Variants in TEX2 observed in about 807,000 individuals in gnomAD.
The protein encoded by TEX2 is testis expressed 2, also known as testis-expressed protein 2.
Under a neutral mutation model 106.9 loss-of-function variants are expected in TEX2, and 53 were observed. That is an observed-to-expected ratio of 0.50 (90% CI 0.40 to 0.62). TEX2 has a LOEUF of 0.62. Ranked by LOEUF, TEX2 falls within the 20% of genes least tolerant of loss-of-function variation. The pLI is 0.00. For synonymous variants in TEX2, 523 were observed against 534.8 expected, an observed-to-expected ratio of 0.98 and a Z score of 0.30; for missense variants, 1,207 against 1,379.0, an observed-to-expected ratio of 0.88 and a Z score of 1.98.
chr17:64,197,810 C>T (rs2032524364), intron 2 of TEX2, among the ~76,000 whole-genome samples: 1 of 152,136 alleles, frequency 6.6e-6, no homozygotes, highest in Non-Finnish European at 1.5e-5. Context: ...GCAGTTCTCC[C>T]ACCTTGGCCT....
At chr17:64,210,362 T>A (rs1283717361) in intron 2 of TEX2, among the ~76,000 whole-genome samples, 1 of 152,190 alleles carries the variant, frequency 6.6e-6, no homozygotes, top group African/African-American at 2.4e-5. Flanking sequence ...TATGATCCTA[T>A]TAAATCAAAA....
intron 2 of TEX2, among the ~76,000 whole-genome samples, chr17:64,211,964 T>C (rs187391921): frequency 3.3e-5 from 5 of 152,316 alleles, no homozygotes; most frequent in Non-Finnish European, 4.4e-5. Flanking sequence ...CTAGGCAACA[T>C]AGTGAGACTC....
At chr17:64,154,438 C>G (rs1464461604) in intron 9 of TEX2, among the ~76,000 whole-genome samples, 1 of 152,196 alleles carries the variant, frequency 6.6e-6, no homozygotes, top group South Asian at 2.1e-4. Context: ...CAAAGAAAAT[C>G]ATCTGAATGT....
intron 1 of TEX2, among the ~76,000 whole-genome samples, 189 bp downstream of exon 1, chr17:64,262,979 G>A (rs1253247132): frequency 1.3e-5 from 2 of 152,104 alleles, no homozygotes; most frequent in Non-Finnish European, 2.9e-5. Context: ...TTGCCCGGGG[G>A]TGTCGCGGGT....
At chr17:64,203,434 ACT>A (rs782557266) in intron 2 of TEX2, among the ~76,000 whole-genome samples, 1 of 152,020 alleles carries the variant, frequency 6.6e-6, no homozygotes, top group Non-Finnish European at 1.5e-5. Context: ...AAAGGTAATT[ACT>A]CTCTGTCTCC....
rs113350767 is a variant in TEX2, at chr17:64,211,401, T to C, written c.1644+1173A>G. Among the ~76,000 whole-genome samples, 580 of 152,266 alleles carry C rather than the reference T, an allele frequency of 3.8e-3. 4 individuals carry two copies. Among genetic ancestry groups the C allele is most frequent in the African/African-American group, 0.014 (563 of 41,546 alleles). On this transcript the variant is annotated intron_variant, in intron 2 of 11. Coordinates refer to ENST00000584379, the MANE Select transcript of TEX2 (RefSeq NM_001288732.2). ...TTAGATAACTTTTATAAAGCAGTGG[T>C]CTCTAAACTTTTCTGGCTTTCCACC...
Position 64,153,214 on chromosome 17 carries a change from A to C in TEX2, c.2931-60T>G, listed in dbSNP as rs944365163. On this transcript the variant is annotated intron_variant, in intron 9 of 11. Coordinates refer to ENST00000584379, the MANE Select transcript of TEX2 (RefSeq NM_001288732.2). This position sits in a 1 kb window ranked among gnomAD's most constrained non-coding sequence, Gnocchi z 4.1. Reference sequence around the variant, plus strand: ...AACTTTGCTCTTTTCACAGACAAAAACCTGTGGCTCTTCGTTCCCCTTACT... The same window carrying C: ...AACTTTGCTCTTTTCACAGACAAAACCCTGTGGCTCTTCGTTCCCCTTACT... 41 of 1,203,528 alleles carry C rather than the reference A, an allele frequency of 3.4e-5. No homozygotes were observed. The highest frequency in any genetic ancestry group is 4.1e-5 in the Non-Finnish European group (34 of 832,414). 74.6% of individuals were successfully genotyped at this position (1,203,528 alleles called of 1,614,324 possible).
chr17:64,180,199 A>G (rs1041441521), intron 5 of TEX2, among the ~76,000 whole-genome samples: 25 of 152,214 alleles, frequency 1.6e-4, no homozygotes, highest in Non-Finnish European at 7.3e-5. Context: ...GTCTTATTTT[A>G]GATTTGTAGG....
At chr17:64,160,544 T>C (rs1433940813) in intron 8 of TEX2, among the ~76,000 whole-genome samples, 1 of 152,188 alleles carries the variant, frequency 6.6e-6, no homozygotes, top group South Asian at 2.1e-4. Flanking sequence ...TGATGTTTTC[T>C]GGGTAATCAA....
chr17:64,213,601 T>C lies in TEX2; in HGVS notation c.617A>G (p.His206Arg), dbSNP rs1448741992. ...CATCAAGTGCCTGTGCCTTGCGGGG[T>C]GTGGGGATTCTTTTGGCTCCACCTC... ...STEVEPKESP[H>R]PARHRHLMKT... The change falls in exon 2 of 12, where the codon CAC (histidine) becomes CGC (arginine). Residue 206 changes from histidine to arginine, a missense_variant. Physicochemically the swap from His to Arg is conservative, Grantham distance 29. This residue lies in a region of TEX2 where 1,067 missense variants were observed against 1,193.6 expected (regional missense o/e 0.89). Transcript: ENST00000584379. The surrounding 1 kb of genome is among the most constrained non-coding windows in gnomAD (Gnocchi z 4.4). The C allele has an allele frequency of 1.2e-6, 2 of 1,613,388 alleles. No individual in the cohort carries two copies. The highest frequency in any genetic ancestry group is 3.3e-5 in the Admixed American group (2 of 59,936).
At chr17:64,167,133 T>G (rs1422740610) in intron 7 of TEX2, among the ~76,000 whole-genome samples, 1 of 152,230 alleles carries the variant, frequency 6.6e-6, no homozygotes, top group Non-Finnish European at 1.5e-5. Context: ...GGTGGTCATT[T>G]AACCTCATTC....
At chr17:64,223,357 C>CTTTTT (rs71158308) in intron 1 of TEX2, among the ~76,000 whole-genome samples, 1 of 113,098 alleles carries the variant, frequency 8.8e-6, no homozygotes, top group Non-Finnish European at 1.7e-5. Flanking sequence ...CTGAATCTGG[C>CTTTTT]TTTTTTTTTT....
chr17:64,215,557 G>A (rs2033159394), intron 1 of TEX2, among the ~76,000 whole-genome samples: 1 of 152,152 alleles, frequency 6.6e-6, no homozygotes, highest in African/African-American at 2.4e-5. Flanking sequence ...CCCAGCTTGG[G>A]CCCAGGACAT....
chr17:64,219,508 C>CAAATAAAAATA (rs1555633016), intron 1 of TEX2, among the ~76,000 whole-genome samples: 1 of 134,830 alleles, frequency 7.4e-6, no homozygotes, highest in Non-Finnish European at 1.6e-5. Flanking sequence ...TCCATCTCAT[C>CAAATAAAAATA]AAATAAAATA....
chr17:64,209,976 G>C (rs1208836094), intron 2 of TEX2, among the ~76,000 whole-genome samples: 1 of 152,160 alleles, frequency 6.6e-6, no homozygotes, highest in Non-Finnish European at 1.5e-5. Flanking sequence ...ATTTACATCT[G>C]AGAAGAGGGT....
At chr17:64,196,804 T>C (rs534409853) in intron 2 of TEX2, among the ~76,000 whole-genome samples, 1 of 152,230 alleles carries the variant, frequency 6.6e-6, no homozygotes, top group South Asian at 2.1e-4. Context: ...CAGTCTTGCA[T>C]TCTCAGGATT....
At chr17:64,239,265 C>T (rs1457585599) in intron 1 of TEX2, 1 of 152,148 alleles carries the variant, frequency 6.6e-6, no homozygotes, top group East Asian at 1.9e-4. Context: ...CTGTTATTAC[C>T]TGCAATTAAG....
At chr17:64,207,996 A>T (rs1331545146) in intron 2 of TEX2, among the ~76,000 whole-genome samples, 1 of 152,010 alleles carries the variant, frequency 6.6e-6, no homozygotes, top group East Asian at 1.9e-4. Flanking sequence ...AGCCTCCCAA[A>T]GTGCTGGGAT....
At chr17:64,169,549 T>C (rs1010191313) in intron 7 of TEX2, among the ~76,000 whole-genome samples, 8 of 152,244 alleles carry the variant, frequency 5.3e-5, no homozygotes, top group South Asian at 2.1e-4. Flanking sequence ...GTGCAAATAC[T>C]ACCCTGGTCT....
Sources: gnomAD v4.1 joint callset for allele counts (sites outside exome capture counted in the v4.1 genomes callset) on GRCh38, gnomAD v4.1.1 for gene constraint, gnomAD v4.1.1 regional missense constraint, Gnocchi (gnomAD v3.1) non-coding constraint, MANE v1.5 for transcripts, NCBI Gene and HGNC (gene_info 2026-07-23, HGNC 2026-07-21) for gene names.